Variants in FAM13A observed in about 807,000 individuals in gnomAD.
FAM13A encodes protein FAM13A.
A neutral mutation model predicts 129.6 loss-of-function variants in FAM13A; 76 were observed. The observed-to-expected ratio is 0.59, with a 90% CI of 0.49 to 0.71. The LOEUF (loss-of-function observed/expected upper bound fraction) is 0.71, where lower values mean the gene tolerates loss of function less well. Among genes scored for constraint, FAM13A ranks in the 30% least tolerant of loss-of-function variants. The pLI is 0.00. For synonymous variants in FAM13A, 443 were observed against 449.9 expected, an observed-to-expected ratio of 0.98 and a Z score of 0.20; for missense variants, 1,108 against 1,249.3, an observed-to-expected ratio of 0.89 and a Z score of 1.70.
intron 1 of FAM13A, among the ~76,000 whole-genome samples, chr4:89,042,720 T>G (rs1430019762): frequency 6.6e-6 from 1 of 151,546 alleles, no homozygotes; most frequent in Admixed American, 6.6e-5. Context: ...TAAGAAAAGA[T>G]TTTTAAAAGA....
intron 2 of FAM13A, among the ~76,000 whole-genome samples, chr4:89,025,467 T>C (rs1767853319): frequency 6.6e-6 from 1 of 151,164 alleles, no homozygotes; most frequent in Non-Finnish European, 1.5e-5. Context: ...GGTTTCACCT[T>C]GTTAGCCAGG....
intron 7 of FAM13A, among the ~76,000 whole-genome samples, chr4:88,838,816 C>T (rs1355112490): frequency 6.6e-6 from 1 of 152,112 alleles, no homozygotes; most frequent in Non-Finnish European, 1.5e-5. Flanking sequence ...TGCACTTTTA[C>T]CTGCAGCTAG....
chr4:88,878,104 A>G (rs1742876556), intron 6 of FAM13A, among the ~76,000 whole-genome samples: 1 of 152,020 alleles, frequency 6.6e-6, no homozygotes, highest in South Asian at 2.1e-4. Flanking sequence ...CCTGGCTAAC[A>G]CGGTGAAACC....
chr4:88,751,906 T>C (rs1345213035), intron 14 of FAM13A, among the ~76,000 whole-genome samples: 1 of 152,240 alleles, frequency 6.6e-6, no homozygotes, highest in African/African-American at 2.4e-5. Context: ...AGACTTTGAA[T>C]CATGGGAACA....
chr4:88,887,525 T>A (rs1465058333), intron 6 of FAM13A, among the ~76,000 whole-genome samples: 1 of 110,136 alleles, frequency 9.1e-6, no homozygotes, highest in Non-Finnish European at 1.9e-5. Context: ...TATGTACCTT[T>A]CTTTCTTTCT....
chr4:88,973,099 T>A (rs1451223104), intron 4 of FAM13A, among the ~76,000 whole-genome samples: 2 of 151,962 alleles, frequency 1.3e-5, no homozygotes, highest in Admixed American at 1.3e-4. Flanking sequence ...ACTTTTGATC[T>A]TCTGCAGTTT....
At chr4:88,798,845 CAG>C (rs917000630) in intron 8 of FAM13A, among the ~76,000 whole-genome samples, 5 of 151,966 alleles carry the variant, frequency 3.3e-5, no homozygotes, top group Admixed American at 6.6e-5. Context: ...GGGAAGTCCA[CAG>C]AGAGGCAGGG....
intron 5 of FAM13A, among the ~76,000 whole-genome samples, chr4:88,913,671 T>C (rs535883744): frequency 1.3e-5 from 2 of 152,326 alleles, no homozygotes; most frequent in African/African-American, 4.8e-5. Context: ...ACTCAATAAA[T>C]GTGTGTTGAA....
rs536891173 is a variant in FAM13A, at chr4:88,848,971, G to C, written c.1007+2049C>G. ...CTCACATTTGTTGCTTTTTCTTCCA[G>C]GGGCACCCTTATCTCTATTTCCCTG... On this transcript the variant is annotated intron_variant, in intron 7 of 23. Coordinates refer to ENST00000264344, the MANE Select transcript of FAM13A (RefSeq NM_014883.4). Among the ~76,000 whole-genome samples, 5 of 152,172 alleles carry C rather than the reference G, an allele frequency of 3.3e-5. No individual in the cohort carries two copies. The East Asian group carries it at 7.7e-4, about 24-fold the overall frequency.
Position 88,763,676 on chromosome 4 carries a change from C to T in FAM13A, c.1578+3877G>A, listed in dbSNP as rs187441457. 3.6e-4 allele frequency among the ~76,000 whole-genome samples: 55 copies of T among 152,266 alleles called. 1 individual carries two copies. The highest frequency in any genetic ancestry group is 5.9e-4 in the Non-Finnish European group (40 of 68,028). On this transcript the variant is annotated intron_variant, in intron 13 of 23. Coordinates refer to ENST00000264344, the MANE Select transcript of FAM13A (RefSeq NM_014883.4). ...AATTTTTGTTTTATTCCTTCCATTG[C>T]CCTGCACAGGATATAGTTAAGTGGC...
At chr4:88,859,473 T>A (rs1221095777) in intron 6 of FAM13A, among the ~76,000 whole-genome samples, 1 of 152,064 alleles carries the variant, frequency 6.6e-6, no homozygotes, top group Non-Finnish European at 1.5e-5. Flanking sequence ...GATATGAGTG[T>A]GGGAGCAGGT....
At chr4:88,736,854 C>G (rs961738579) in intron 21 of FAM13A, among the ~76,000 whole-genome samples, 7 of 152,024 alleles carry the variant, frequency 4.6e-5, no homozygotes, top group Admixed American at 4.6e-4. Flanking sequence ...TTCACAGCAC[C>G]TCATTCGTAG....
intron 4 of FAM13A, among the ~76,000 whole-genome samples, chr4:88,938,651 C>T (rs1399120324): frequency 6.6e-6 from 1 of 152,022 alleles, no homozygotes; most frequent in East Asian, 1.9e-4. Flanking sequence ...AAGTACAAAC[C>T]TTAAAGGTAG....
intron 7 of FAM13A, among the ~76,000 whole-genome samples, chr4:88,830,772 G>A (rs1382022328): frequency 1.3e-5 from 2 of 152,166 alleles, no homozygotes; most frequent in African/African-American, 2.4e-5. Context: ...GGGAAGAGCT[G>A]CTAAGAGAGG....
chr4:88,947,486 G>A (rs955261913), intron 4 of FAM13A, among the ~76,000 whole-genome samples: 3 of 152,040 alleles, frequency 2.0e-5, no homozygotes, highest in African/African-American at 4.8e-5. Flanking sequence ...AGTTGTTACC[G>A]GACTGCCAGA....
At chr4:89,014,101 T>C (rs1169636805) in intron 3 of FAM13A, among the ~76,000 whole-genome samples, 1 of 152,144 alleles carries the variant, frequency 6.6e-6, no homozygotes, top group Admixed American at 6.6e-5. Context: ...AAAGGCAGGT[T>C]AGAAAATGAA....
intron 4 of FAM13A, among the ~76,000 whole-genome samples, chr4:88,961,455 C>A (rs531920891): frequency 2.9e-4 from 42 of 142,648 alleles, no homozygotes; most frequent in Non-Finnish European, 5.9e-4. Flanking sequence ...GCAACCTCCA[C>A]CTGCTGGGTT....
chr4:88,849,726 T>C (rs570585141), intron 7 of FAM13A, among the ~76,000 whole-genome samples: 1 of 152,326 alleles, frequency 6.6e-6, no homozygotes, highest in South Asian at 2.1e-4. Flanking sequence ...GTTTTGTTCA[T>C]TGCTCTGCAT....
intron 10 of FAM13A, among the ~76,000 whole-genome samples, chr4:88,785,951 G>C (rs1197758158): frequency 6.6e-6 from 1 of 152,118 alleles, no homozygotes; most frequent in East Asian, 1.9e-4. Flanking sequence ...GAACAATTAA[G>C]GGAAAGGCTA....
Sources: allele counts gnomAD v4.1 joint callset (sites outside exome capture counted in the v4.1 genomes callset), GRCh38; gene constraint gnomAD v4.1.1; transcripts MANE v1.5; gene names NCBI Gene and HGNC (gene_info 2026-07-23, HGNC 2026-07-21).